RTKN: variants seen among roughly 807,000 people sequenced by gnomAD.
The protein encoded by RTKN is rhotekin.
A neutral mutation model predicts 63.5 loss-of-function variants in RTKN; 49 were observed. The ratio of observed to expected loss-of-function variants is 0.77; its 90% CI spans 0.61 to 0.98. The LOEUF (loss-of-function observed/expected upper bound fraction) is 0.98. Among genes scored for constraint, RTKN ranks in the 50% least tolerant of loss-of-function variants. RTKN has a pLI of 0.00. For synonymous variants in RTKN, 295 were observed against 290.4 expected (o/e 1.02, Z -0.16); for missense variants, 685 against 740.8 (o/e 0.92, Z 0.87).
chr2:74,438,771 A>C (rs1254064528), intron 1 of RTKN, among the ~76,000 whole-genome samples: 2 of 152,194 alleles, frequency 1.3e-5, no homozygotes, highest in African/African-American at 2.4e-5. Flanking sequence ...AAGATCTCCC[A>C]ACAGAGGCTT....
At position 74,428,398 on chromosome 2, in the gene RTKN, T is replaced by A; in HGVS notation, c.958-2A>T. On this transcript the variant is annotated splice_acceptor_variant, in intron 8 of 11. Coordinates refer to ENST00000272430, the MANE Select transcript of RTKN (RefSeq NM_001015055.2). LOFTEE classifies it high-confidence loss of function. ...CCAGTTCTGCATCTCCCCAGCTTGC[T>A]GCACAAATGACTCAACATTTTCTGG... The A allele has an allele frequency of 6.2e-7, 1 of 1,614,194 alleles. No individual in the cohort carries two copies. The highest frequency in any genetic ancestry group is 8.5e-7 in the Non-Finnish European group (1 of 1,180,026).
intron 1 of RTKN, chr2:74,440,144 G>A: frequency 2.3e-6 from 1 of 431,540 alleles, no homozygotes; most frequent in African/African-American, 2.1e-5. Flanking sequence ...TAGAGTCATG[G>A]GGTTTGCAGG....
rs1030002763 is a variant in RTKN at position 74,436,815 on chromosome 2, C to T, written c.112-4149G>A. The stretch of plus-strand genomic sequence containing the variant: ...CAGGCAGAGGAACTGGGAATCCTGG[C>T]TCAGGATCTGGACCCTTGTGCTTCT... On this transcript the variant is annotated intron_variant, in intron 1 of 11. Coordinates refer to ENST00000272430, the MANE Select transcript of RTKN (RefSeq NM_001015055.2). This position sits in a 1 kb window ranked among gnomAD's most constrained non-coding sequence, Gnocchi z 4.3. Among the ~76,000 whole-genome samples, 1 of 152,168 alleles carries T rather than the reference C, an allele frequency of 6.6e-6. No homozygotes were observed. The highest frequency in any genetic ancestry group is 2.4e-5 in the African/African-American group (1 of 41,442).
At position 74,426,268 on chromosome 2, in the gene RTKN, C is replaced by A; in HGVS notation, c.1667G>T (p.Arg556Leu). 1.2e-6 allele frequency: 2 copies of A among 1,614,018 alleles called. No individual in the cohort carries two copies. The highest frequency in any genetic ancestry group is 1.7e-6 in the Non-Finnish European group (2 of 1,179,954). Residue 556 changes from arginine (R) to leucine (L), a missense_variant, in exon 12 of 12, where the codon CGC (arginine) becomes CTC (leucine). Arg to Leu is a moderately radical substitution (Grantham distance 102). Transcript: ENST00000272430. ...TRGLCSKGQP[R>L]TWLQSPV is the part of the protein sequence containing the mutation. Reference sequence around the variant, plus strand: ...TCACACTGGTGACTGGAGCCAAGTGCGAGGTTGGCCTTTGCTGCAGAGGCC... The same window carrying A: ...TCACACTGGTGACTGGAGCCAAGTGAGAGGTTGGCCTTTGCTGCAGAGGCC...
intron 3 of RTKN, 28 bp downstream of exon 3, chr2:74,430,588 C>G (rs537870331): frequency 6.2e-7 from 1 of 1,614,046 alleles, no homozygotes; most frequent in Non-Finnish European, 8.5e-7. Flanking sequence ...CAAGGGGTAC[C>G]AGCAGCTGGG....
At chr2:74,440,467 C>G in intron 1 of RTKN, 2 of 986,838 alleles carry the variant, frequency 2.0e-6, no homozygotes, top group Non-Finnish European at 2.4e-6. Context: ...AAACCAGCCC[C>G]GATTCCGAGC....
At chr2:74,441,124 C>T (rs1671343453) in intron 1 of RTKN, among the ~76,000 whole-genome samples, 1 of 152,266 alleles carries the variant, frequency 6.6e-6, no homozygotes, top group Admixed American at 6.5e-5. Flanking sequence ...GGGCTGGACT[C>T]CTCTTAGGCC....
At chr2:74,435,497 A>C (rs1434923343) in intron 1 of RTKN, among the ~76,000 whole-genome samples, 2 of 152,218 alleles carry the variant, frequency 1.3e-5, no homozygotes, top group Admixed American at 6.5e-5. Context: ...AAGGTTGTAC[A>C]TTTAAAATCC....
At chr2:74,441,678 G>T in intron 1 of RTKN, 28 bp downstream of exon 1, 1 of 1,552,274 alleles carries the variant, frequency 6.4e-7, no homozygotes, top group Non-Finnish European at 8.8e-7. Flanking sequence ...AGCCGCGGAA[G>T]GGGAAGGCAG....
At chr2:74,433,946 T>C (rs1670909469) in intron 1 of RTKN, among the ~76,000 whole-genome samples, 2 of 152,094 alleles carry the variant, frequency 1.3e-5, no homozygotes, top group South Asian at 2.1e-4. Context: ...CCAAAATAAA[T>C]GATGTGAGAA....
chr2:74,429,479 C>A lies in RTKN; in HGVS notation c.755+349G>T, dbSNP rs545181540. ...GTGGCTCACGCCTGTAATCCTACCA[C>A]TTTGGGAGGCCGAGGCGGGAGGATC... On this transcript the variant is annotated intron_variant, in intron 6 of 11. Coordinates refer to ENST00000272430, the MANE Select transcript of RTKN (RefSeq NM_001015055.2). Among the ~76,000 whole-genome samples the A allele has an allele frequency of 9.2e-5, 14 of 152,322 alleles. No homozygotes were observed. The South Asian group carries it at 2.7e-3, about 29-fold the overall frequency.
Position 74,436,483 on chromosome 2 carries a change from G to A in RTKN, c.112-3817C>T, listed in dbSNP as rs573706202. Among the ~76,000 whole-genome samples the A allele has an allele frequency of 2.6e-5, 4 of 151,818 alleles. No individual in the cohort carries two copies. The highest frequency in any genetic ancestry group is 5.9e-5 in the Non-Finnish European group (4 of 67,946). Reference sequence around the variant, plus strand: ...ACCGAGACTCCATCGCGGCGGGACCGGACCTCCAGGAGTGCGCCCGCGCCG... The same window carrying A: ...ACCGAGACTCCATCGCGGCGGGACCAGACCTCCAGGAGTGCGCCCGCGCCG... On this transcript the variant is annotated intron_variant, in intron 1 of 11. Coordinates refer to ENST00000272430, the MANE Select transcript of RTKN (RefSeq NM_001015055.2). The surrounding 1 kb of genome is among the most constrained non-coding windows in gnomAD (Gnocchi z 4.3).
Position 74,441,560 on chromosome 2 carries a change from T to G in RTKN, c.111+146A>C, listed in dbSNP as rs1671366289. On this transcript the variant is annotated intron_variant, in intron 1 of 11. Transcript: ENST00000272430. Reference sequence around the variant, plus strand: ...AAATGCAGACCGTCCACACCTTACTTTTTAAGTCAACAACTCCGTCGGGTT... The same window carrying G: ...AAATGCAGACCGTCCACACCTTACTGTTTAAGTCAACAACTCCGTCGGGTT... 8.4e-5 allele frequency: 52 copies of G among 622,270 alleles called. No individual in the cohort carries two copies. The South Asian group carries it at 9.8e-4, about 12-fold the overall frequency. The allele number at this position is 622,270 out of a possible 1,614,324, so 38.5% of individuals were successfully genotyped here. A position where few individuals can be genotyped will look rare whatever the true frequency, so the allele number is the denominator to read the frequency against.
intron 1 of RTKN, among the ~76,000 whole-genome samples, chr2:74,435,179 G>A (rs1360708196): frequency 1.3e-5 from 2 of 152,218 alleles, no homozygotes; most frequent in African/African-American, 4.8e-5. Context: ...AGGGCCAGCT[G>A]AGAGGCCCTG....
Position 74,428,707 on chromosome 2 carries a change from C to T in RTKN, c.881G>A (p.Gly294Asp), listed in dbSNP as rs769801880. The change falls in exon 8 of 12, where the codon GGT becomes GAT. Residue 294 changes from glycine (G) to aspartate (D), a missense_variant. Gly to Asp is a moderately conservative substitution (Grantham distance 94, BLOSUM62 -1). Coordinates refer to ENST00000272430, the MANE Select transcript of RTKN (RefSeq NM_001015055.2). ...EENPAWLPLY[G>D]SVCCRLAAQP... ...AGCTGCCAGACGGCAACACACGCTA[C>T]CATAAAGGGGCAGCCAGGCAGGGTT... The T allele has an allele frequency of 1.9e-6, 3 of 1,613,886 alleles. No individual in the cohort carries two copies. Among genetic ancestry groups the T allele is most frequent in the Non-Finnish European group, 2.5e-6 (3 of 1,179,984 alleles).
At chr2:74,439,002 C>A (rs980616257) in intron 1 of RTKN, among the ~76,000 whole-genome samples, 4 of 152,158 alleles carry the variant, frequency 2.6e-5, no homozygotes, top group Non-Finnish European at 1.5e-5. Flanking sequence ...TAATACATAG[C>A]GCAAGGTGCA....
At chr2:74,439,667 G>A in intron 1 of RTKN, 10 of 1,612,106 alleles carry the variant, frequency 6.2e-6, no homozygotes, top group Non-Finnish European at 8.5e-6. Context: ...CCCTCCAGAG[G>A]GGGGACAGAT....
At chr2:74,441,280 C>T (rs1671350432) in intron 1 of RTKN, among the ~76,000 whole-genome samples, 1 of 152,200 alleles carries the variant, frequency 6.6e-6, no homozygotes, top group Admixed American at 6.5e-5. Flanking sequence ...GAGGCTGGCC[C>T]AGATGGCTGC....
At chr2:74,432,078 T>C in intron 2 of RTKN, 1 of 344,946 alleles carries the variant, frequency 2.9e-6, no homozygotes, top group Non-Finnish European at 5.6e-6. Context: ...GAACCCCAGA[T>C]ATAACAAACT....
Sources: allele counts gnomAD v4.1 joint callset (sites outside exome capture counted in the v4.1 genomes callset), GRCh38; gene constraint gnomAD v4.1.1; non-coding constraint Gnocchi (gnomAD v3.1); transcripts MANE v1.5; gene names NCBI Gene and HGNC (gene_info 2026-07-23, HGNC 2026-07-21).